CSMD1: variants seen among roughly 807,000 people sequenced by gnomAD.
The protein encoded by CSMD1 is CUB and sushi domain-containing protein 1.
A neutral mutation model predicts 417.5 loss-of-function variants in CSMD1; 213 were observed. That is an observed-to-expected ratio of 0.51 (90% CI 0.46 to 0.57). The LOEUF (loss-of-function observed/expected upper bound fraction) is 0.57, where lower values mean the gene tolerates loss of function less well. Ranked by LOEUF, CSMD1 falls within the 20% of genes least tolerant of loss-of-function variation. The probability of loss-of-function intolerance (pLI) is 0.00; values close to 1 mark genes in which losing one functional copy is unlikely to be tolerated. For synonymous variants in CSMD1, 2,862 were observed against 1,736.8 expected (o/e 1.65, Z -16.11); for missense variants, 6,923 against 4,529.7 (o/e 1.53, Z -15.17).
chr8:4,052,080 C>A (rs1052069408), intron 3 of CSMD1, among the ~76,000 whole-genome samples: 1 of 151,944 alleles, frequency 6.6e-6, no homozygotes, highest in African/African-American at 2.4e-5. Flanking sequence ...GGACTAAATA[C>A]CCAGCTAATT....
intron 10 of CSMD1, among the ~76,000 whole-genome samples, chr8:3,528,936 TTAGA>T (rs1348446707): frequency 8.5e-5 from 13 of 152,226 alleles, no homozygotes; most frequent in Non-Finnish European, 1.6e-4. Context: ...AATATAATCC[TTAGA>T]TAATTACATG....
At chr8:4,455,048 A>G (rs1266528922) in intron 2 of CSMD1, among the ~76,000 whole-genome samples, 2 of 151,946 alleles carry the variant, frequency 1.3e-5, no homozygotes, top group Non-Finnish European at 2.9e-5. Context: ...ACACAATATC[A>G]CCATGTTTAG....
At chr8:4,495,304 G>A (rs1360480556) in intron 2 of CSMD1, among the ~76,000 whole-genome samples, 1 of 152,136 alleles carries the variant, frequency 6.6e-6, no homozygotes, top group Admixed American at 6.6e-5. Flanking sequence ...AGCTGGGCAC[G>A]GTGGCTCACG....
chr8:3,936,548 A>G (rs568908712), intron 5 of CSMD1, among the ~76,000 whole-genome samples: 1 of 152,204 alleles, frequency 6.6e-6, no homozygotes, highest in African/African-American at 2.4e-5. Context: ...CCATCAATGG[A>G]ACAACAAAGC....
At chr8:3,877,160 C>A (rs949587878) in intron 5 of CSMD1, among the ~76,000 whole-genome samples, 6 of 152,206 alleles carry the variant, frequency 3.9e-5, no homozygotes, top group African/African-American at 1.2e-4. Context: ...CTTCCTCTAC[C>A]TTTCCTACAG....
Position 4,396,231 on chromosome 8 carries a change from G to A in CSMD1, c.415+23722C>T, listed in dbSNP as rs117601411. ...AATCCCAGCACTTTGGGAGACCAAG[G>A]TAGGCAGATCGCTTGAGCCCAGGTG... On this transcript the variant is annotated intron_variant, in intron 3 of 69. Coordinates refer to ENST00000635120, the MANE Select transcript of CSMD1 (RefSeq NM_033225.6). 3.6e-3 allele frequency among the ~76,000 whole-genome samples: 551 copies of A among 152,182 alleles called. 21 individuals carry two copies. In the East Asian group the frequency reaches 0.084, roughly 23 times the overall value.
chr8:3,646,472 A>C (rs941692651), intron 7 of CSMD1, among the ~76,000 whole-genome samples: 1 of 152,218 alleles, frequency 6.6e-6, no homozygotes, highest in Non-Finnish European at 1.5e-5. Flanking sequence ...ACCTATTATA[A>C]TAATCATTTC....
In CSMD1 at chr8:3,094,794, G is replaced by A. The variant is rs796418016; in HGVS notation, c.7138+2055C>T. ...CCACCTATGAACTATAAAAGAGCCC[G>A]TCTTACAAAAAAAAAAAAAAAAAAA... On this transcript the variant is annotated intron_variant, in intron 47 of 69. Transcript: ENST00000635120. Among the ~76,000 whole-genome samples, 19 of 101,862 alleles carry A rather than the reference G, an allele frequency of 1.9e-4. 1 individual carries two copies. The highest frequency in any genetic ancestry group is 5.0e-4 in the African/African-American group (13 of 25,788). 66.8% of individuals were successfully genotyped at this position (101,862 alleles called of 152,430 possible). A position where few individuals can be genotyped will look rare whatever the true frequency, so the allele number is the denominator to read the frequency against.
chr8:3,670,503 T>TATATATATCCC (rs780030376), intron 7 of CSMD1, among the ~76,000 whole-genome samples: 23,359 of 139,372 alleles, frequency 0.17, 2,061 homozygotes, highest in South Asian at 0.22. Flanking sequence ...ATATATCCCA[T>TATATATATCCC]ATATATATAT....
At position 4,364,687 on chromosome 8, in the gene CSMD1, T is replaced by C. The variant is rs1471227463; in HGVS notation, c.415+55266A>G. ...AAAATACAAAAAAATTAGCCGGGCGTAGTGGCGGGCGCCTGTAGTCCCAGC... is the reference window on the plus strand; with the variant it reads ...AAAATACAAAAAAATTAGCCGGGCGCAGTGGCGGGCGCCTGTAGTCCCAGC... On this transcript the variant is annotated intron_variant, in intron 3 of 69. Transcript: ENST00000635120. Among the ~76,000 whole-genome samples, 3 of 58,716 alleles carry C rather than the reference T, an allele frequency of 5.1e-5. 1 individual carries two copies. Among genetic ancestry groups the C allele is most frequent in the Non-Finnish European group, 8.6e-5 (3 of 34,992 alleles). The allele number at this position is 58,716 out of a possible 152,430, so 38.5% of individuals were successfully genotyped here. A position where few individuals can be genotyped will look rare whatever the true frequency, so the allele number is the denominator to read the frequency against.
At chr8:3,241,428 G>C (rs577870778) in intron 26 of CSMD1, among the ~76,000 whole-genome samples, 2 of 152,072 alleles carry the variant, frequency 1.3e-5, no homozygotes, top group Non-Finnish European at 2.9e-5. Context: ...CCTAAAGCTC[G>C]GCATCTGTGT....
intron 1 of CSMD1, among the ~76,000 whole-genome samples, chr8:4,714,932 G>A (rs1000092039): frequency 6.6e-6 from 1 of 152,146 alleles, no homozygotes; most frequent in African/African-American, 2.4e-5. Context: ...TTTTTGGAAG[G>A]TGTCTAGAGA....
intron 2 of CSMD1, among the ~76,000 whole-genome samples, chr8:4,555,674 G>C (rs1320226140): frequency 6.6e-6 from 1 of 152,162 alleles, no homozygotes; most frequent in Admixed American, 6.5e-5. Context: ...ATCAGCAATG[G>C]AGAGGAATAA....
intron 3 of CSMD1, among the ~76,000 whole-genome samples, chr8:4,145,143 CAT>C (rs1426062977): frequency 6.6e-6 from 1 of 151,078 alleles, no homozygotes; most frequent in Admixed American, 6.6e-5. Flanking sequence ...AGTTTAGACA[CAT>C]GTAATAAAAG....
chr8:4,180,748 G>C (rs1026288780), intron 3 of CSMD1, among the ~76,000 whole-genome samples: 2 of 152,076 alleles, frequency 1.3e-5, no homozygotes, highest in Non-Finnish European at 2.9e-5. Flanking sequence ...CTAACTGTTA[G>C]AATTCCTTCT....
intron 37 of CSMD1, among the ~76,000 whole-genome samples, chr8:3,163,130 G>A (rs929111227): frequency 1.4e-4 from 21 of 152,148 alleles, no homozygotes; most frequent in African/African-American, 4.3e-4. Context: ...GGATGTTGAT[G>A]GATATATTAA....
At chr8:2,986,512 A>AC (rs1200734660) in intron 54 of CSMD1, among the ~76,000 whole-genome samples, 1 of 151,436 alleles carries the variant, frequency 6.6e-6, no homozygotes, top group Non-Finnish European at 1.5e-5. Context: ...TTTATTTTTT[A>AC]TTTTTTTTGA....
intron 7 of CSMD1, among the ~76,000 whole-genome samples, chr8:3,693,535 G>A (rs554468264): frequency 1.3e-5 from 2 of 151,992 alleles, no homozygotes; most frequent in African/African-American, 2.4e-5. Flanking sequence ...TATACATATC[G>A]TTACTGAGCC....
chr8:4,507,557 G>A (rs1209183645), intron 2 of CSMD1, among the ~76,000 whole-genome samples: 2 of 152,148 alleles, frequency 1.3e-5, no homozygotes, highest in Non-Finnish European at 2.9e-5. Flanking sequence ...CAATTCTTAT[G>A]CATGGACATG....
Sources: allele counts gnomAD v4.1 joint callset (sites outside exome capture counted in the v4.1 genomes callset), GRCh38; gene constraint gnomAD v4.1.1; transcripts MANE v1.5; gene names NCBI Gene and HGNC (gene_info 2026-07-23, HGNC 2026-07-21).